ANO4: variants seen among roughly 807,000 people sequenced by gnomAD.
ANO4 encodes the protein anoctamin 4.
ANO4 carries 69 observed loss-of-function variants against 141.9 expected under a neutral mutation model. The ratio of observed to expected loss-of-function variants is 0.49; its 90% CI spans 0.40 to 0.59. The LOEUF (loss-of-function observed/expected upper bound fraction) is 0.59. Among genes scored for constraint, ANO4 ranks in the 20% least tolerant of loss-of-function variants. The probability of loss-of-function intolerance (pLI) is 0.00; values close to 1 mark genes in which losing one functional copy is unlikely to be tolerated. For missense variants in ANO4, 894 were observed against 1,162.2 expected, an observed-to-expected ratio of 0.77 and a Z score of 3.36; for synonymous variants, 350 against 394.3, an observed-to-expected ratio of 0.89 and a Z score of 1.33.
At chr12:100,999,133 C>T (rs822102) in intron 8 of ANO4, among the ~76,000 whole-genome samples, 72,675 of 152,064 alleles carry the variant, frequency 0.48, 17,570 homozygotes, top group South Asian at 0.5. Context: ...ACTGACTTAA[C>T]TGTTTAAAAC....
chr12:101,029,391 A>T (rs766447516), intron 9 of ANO4, among the ~76,000 whole-genome samples: 141 of 152,176 alleles, frequency 9.3e-4, no homozygotes, highest in Non-Finnish European at 1.2e-3. Flanking sequence ...AGGAAATTGG[A>T]TAAAGACTAA....
In ANO4 at chr12:100,898,506, A is replaced by T. The variant is rs145515239; in HGVS notation, c.-140-3140A>T. On this transcript the variant is annotated intron_variant, in intron 1 of 27. Coordinates refer to ENST00000392977, the MANE Select transcript of ANO4 (RefSeq NM_001286615.2). ...AAGATTCCTTCCAAATTTCCATGTA[A>T]CATACCCACTTTCCTCATACCTATC... 1.7e-3 allele frequency among the ~76,000 whole-genome samples: 253 copies of T among 152,292 alleles called. 1 individual carries two copies. Among genetic ancestry groups the T allele is most frequent in the Non-Finnish European group, 1.4e-3 (96 of 68,038 alleles).
intron 18 of ANO4, 137 bp from the exon 19 acceptor site, chr12:101,096,398 TC>T: frequency 3.1e-6 from 2 of 635,108 alleles, no homozygotes; most frequent in Non-Finnish European, 5.6e-6. Flanking sequence ...CCACACGCCA[TC>T]CGTGGGTAAA....
chr12:100,819,027 GTA>G (rs914432126), intron 1 of ANO4, among the ~76,000 whole-genome samples: 2 of 125,728 alleles, frequency 1.6e-5, no homozygotes, highest in African/African-American at 3.2e-5. Context: ...ATATATATAT[GTA>G]TGTGTGTATA....
chr12:100,765,400 A>ATTTTTC, intron 3 of ANO4, among the ~76,000 whole-genome samples: 1 of 121,430 alleles, frequency 8.2e-6, no homozygotes, highest in Non-Finnish European at 1.7e-5. Flanking sequence ...TTTTTTTGAG[A>ATTTTTC]CAGGGTTCTA....
chr12:100,773,116 C>A (rs73147621), intron 3 of ANO4, among the ~76,000 whole-genome samples: 6,950 of 152,290 alleles, frequency 0.046, 180 homozygotes, highest in Non-Finnish European at 0.065. Flanking sequence ...AAGGTACCAG[C>A]AGATTAAGTG....
chr12:101,115,091 G>T (rs2050802388), intron 24 of ANO4, among the ~76,000 whole-genome samples: 1 of 152,122 alleles, frequency 6.6e-6, no homozygotes, highest in African/African-American at 2.4e-5. Context: ...ACTTGTTAAT[G>T]AAGAGAATCT....
chr12:101,094,423 T>G, intron 18 of ANO4, 131 bp downstream of exon 18: 1 of 637,896 alleles, frequency 1.6e-6, no homozygotes, highest in Non-Finnish European at 2.5e-6. Context: ...AAGTTTTTTC[T>G]TTGCCTTCAA....
At chr12:100,808,509 C>T (rs955180241) in intron 1 of ANO4, among the ~76,000 whole-genome samples, 2 of 152,162 alleles carry the variant, frequency 1.3e-5, no homozygotes, top group Non-Finnish European at 2.9e-5. Flanking sequence ...CTGACCCAAC[C>T]TGTCGTCACA....
chr12:100,999,381 C>A (rs2136393032), intron 8 of ANO4, among the ~76,000 whole-genome samples: 1 of 152,334 alleles, frequency 6.6e-6, no homozygotes, highest in South Asian at 2.1e-4. Flanking sequence ...TCTGTCTTCA[C>A]ATCTTTTTCT....
At chr12:101,021,379 T>C (rs1337412074) in intron 9 of ANO4, among the ~76,000 whole-genome samples, 1 of 152,196 alleles carries the variant, frequency 6.6e-6, no homozygotes. Flanking sequence ...TGAGATATCA[T>C]ACTGGTATCA....
chr12:100,907,604 T>A (rs1006711935), intron 2 of ANO4, among the ~76,000 whole-genome samples: 2 of 152,210 alleles, frequency 1.3e-5, no homozygotes, highest in Admixed American at 1.3e-4. Flanking sequence ...AATGATTTTA[T>A]GTTGTTTGTC....
At chr12:100,989,525 A>T (rs1370641629) in intron 8 of ANO4, among the ~76,000 whole-genome samples, 2 of 150,852 alleles carry the variant, frequency 1.3e-5, no homozygotes, top group Non-Finnish European at 2.9e-5. Context: ...ATGGATGGAT[A>T]CATTGATAGG....
At chr12:100,976,902 G>A (rs1228272469) in intron 7 of ANO4, among the ~76,000 whole-genome samples, 2 of 152,190 alleles carry the variant, frequency 1.3e-5, no homozygotes, top group African/African-American at 4.8e-5. Flanking sequence ...ATGTAGGGTT[G>A]GGAGAAGTCT....
intron 1 of ANO4, among the ~76,000 whole-genome samples, chr12:100,868,314 A>G (rs1036166751): frequency 6.6e-6 from 1 of 152,166 alleles, no homozygotes; most frequent in Non-Finnish European, 1.5e-5. Flanking sequence ...GTGAGAGGCT[A>G]AAATCCTTAC....
intron 5 of ANO4, among the ~76,000 whole-genome samples, chr12:100,961,784 T>C (rs1045201696): frequency 6.6e-6 from 1 of 152,206 alleles, no homozygotes; most frequent in Non-Finnish European, 1.5e-5. Context: ...GAACTAGTTA[T>C]ATTTTAAGTG....
At chr12:100,997,257 C>A (rs1045758287) in intron 8 of ANO4, among the ~76,000 whole-genome samples, 3 of 148,356 alleles carry the variant, frequency 2.0e-5, no homozygotes, top group Admixed American at 6.9e-5. Flanking sequence ...TAGCTTGAAC[C>A]CTGGAGGCGG....
At chr12:100,821,816 A>G (rs963462419) in intron 1 of ANO4, among the ~76,000 whole-genome samples, 3 of 152,064 alleles carry the variant, frequency 2.0e-5, no homozygotes, top group Admixed American at 6.6e-5. Context: ...ACATTTTTGT[A>G]CATATATCTT....
chr12:101,027,966 G>A (rs918322304), intron 9 of ANO4, among the ~76,000 whole-genome samples: 1 of 152,110 alleles, frequency 6.6e-6, no homozygotes, highest in African/African-American at 2.4e-5. Flanking sequence ...CCAGAAGAAG[G>A]AGCAGGCACC....
Sources: allele counts gnomAD v4.1 joint callset (sites outside exome capture counted in the v4.1 genomes callset), GRCh38; gene constraint gnomAD v4.1.1; transcripts MANE v1.5; gene names NCBI Gene and HGNC (gene_info 2026-07-23, HGNC 2026-07-21).